Variants in OR6N1 observed in about 807,000 individuals in gnomAD.
OR6N1 encodes the protein olfactory receptor 6N1.
For missense variants in OR6N1, 394 were observed against 371.7 expected, an observed-to-expected ratio of 1.06 and a Z score of -0.49; for synonymous variants, 170 against 150.7, an observed-to-expected ratio of 1.13 and a Z score of -0.94.
the OR6N1 span, among the ~76,000 whole-genome samples, chr1:158,805,024 C>G: frequency 6.6e-6 from 1 of 152,046 alleles, no homozygotes; most frequent in Admixed American, 6.6e-5. Flanking sequence ...AATTTTTGAA[C>G]CTTTTAGAGA....
the OR6N1 span, among the ~76,000 whole-genome samples, chr1:158,782,003 C>T: frequency 0.021 from 3,193 of 152,232 alleles, 114 homozygotes; most frequent in African/African-American, 0.072. Flanking sequence ...CACTCTGACC[C>T]CAGAGTCCAT....
intron 1 of OR6N1, among the ~76,000 whole-genome samples, chr1:158,769,129 A>T (rs1003983126): frequency 6.6e-6 from 1 of 152,146 alleles, no homozygotes; most frequent in African/African-American, 2.4e-5. Flanking sequence ...GGATATGGAG[A>T]TAAATCAGGA....
the OR6N1 span, among the ~76,000 whole-genome samples, chr1:158,784,076 A>C: frequency 6.6e-6 from 1 of 152,164 alleles, no homozygotes; most frequent in Non-Finnish European, 1.5e-5. Context: ...ACTGCACTGC[A>C]GCCTGGGCGA....
chr1:158,806,464 T>G, the OR6N1 span, among the ~76,000 whole-genome samples: 1 of 152,176 alleles, frequency 6.6e-6, no homozygotes, highest in Non-Finnish European at 1.5e-5. Flanking sequence ...TTAACGTTCT[T>G]TTATTGTCCC....
At chr1:158,792,549 G>A in the OR6N1 span, among the ~76,000 whole-genome samples, 7 of 152,040 alleles carry the variant, frequency 4.6e-5, no homozygotes, top group Non-Finnish European at 1.0e-4. Flanking sequence ...ACTCCCCTTA[G>A]CATTTCTTGC....
At chr1:158,819,102 C>T in the OR6N1 span, among the ~76,000 whole-genome samples, 1 of 152,188 alleles carries the variant, frequency 6.6e-6, no homozygotes, top group Admixed American at 6.5e-5. Context: ...GCCACAACTT[C>T]TGTAATTATC....
chr1:158,788,292 A>G, the OR6N1 span, among the ~76,000 whole-genome samples: 1 of 152,330 alleles, frequency 6.6e-6, no homozygotes, highest in East Asian at 1.9e-4. Flanking sequence ...TATCATAAGC[A>G]CAGATCTCAT....
At chr1:158,787,023 T>C in the OR6N1 span, among the ~76,000 whole-genome samples, 1 of 152,012 alleles carries the variant, frequency 6.6e-6, no homozygotes, top group East Asian at 1.9e-4. Flanking sequence ...CTGTAATGAG[T>C]TTGGATGTTG....
chr1:158,820,624 C>A, the OR6N1 span, among the ~76,000 whole-genome samples: 11 of 152,186 alleles, frequency 7.2e-5, no homozygotes, highest in Admixed American at 5.9e-4. Context: ...ATAAGTATAT[C>A]ATTCCATTAA....
At chr1:158,798,114 T>A in the OR6N1 span, among the ~76,000 whole-genome samples, 2 of 151,966 alleles carry the variant, frequency 1.3e-5, no homozygotes, top group Non-Finnish European at 2.9e-5. Context: ...AATTGTTCAT[T>A]CTTAATCTTT....
the OR6N1 span, among the ~76,000 whole-genome samples, chr1:158,836,324 G>C: frequency 6.6e-6 from 1 of 151,930 alleles, no homozygotes; most frequent in Admixed American, 6.5e-5. Context: ...TTATATATTT[G>C]GTAGAATTTA....
At chr1:158,783,834 C>T in the OR6N1 span, among the ~76,000 whole-genome samples, 19 of 152,224 alleles carry the variant, frequency 1.2e-4, no homozygotes, top group East Asian at 3.9e-4. Flanking sequence ...GGACTGGGCG[C>T]GGTGGCTCAC....
At chr1:158,802,383 A>G in the OR6N1 span, among the ~76,000 whole-genome samples, 3 of 151,134 alleles carry the variant, frequency 2.0e-5, no homozygotes, top group Admixed American at 2.0e-4. Flanking sequence ...AATTTTTTGT[A>G]TTTTTTAGTA....
the OR6N1 span, among the ~76,000 whole-genome samples, chr1:158,787,213 T>C: frequency 6.6e-6 from 1 of 152,126 alleles, no homozygotes; most frequent in South Asian, 2.1e-4. Flanking sequence ...CCACGTGACA[T>C]GTTGGCTCCT....
the OR6N1 span, among the ~76,000 whole-genome samples, chr1:158,787,620 A>ATCTC: frequency 8.6e-3 from 1,052 of 122,556 alleles, 24 homozygotes; most frequent in African/African-American, 0.029. Flanking sequence ...CTATCTCTCT[A>ATCTC]TCTCTCTCTC....
the OR6N1 span, among the ~76,000 whole-genome samples, chr1:158,836,921 T>C: frequency 7.2e-5 from 11 of 152,036 alleles, no homozygotes; most frequent in East Asian, 2.1e-3. Context: ...ATATAATTTC[T>C]CTAAATATGG....
the OR6N1 span, among the ~76,000 whole-genome samples, chr1:158,779,998 C>T: frequency 6.6e-6 from 1 of 152,160 alleles, no homozygotes; most frequent in South Asian, 2.1e-4. Context: ...ATTGTGAAAT[C>T]AATTAATGTT....
the OR6N1 span, among the ~76,000 whole-genome samples, chr1:158,822,806 T>C: frequency 1.3e-5 from 2 of 152,222 alleles, no homozygotes; most frequent in African/African-American, 4.8e-5. Flanking sequence ...AGGGAATGCT[T>C]CCAGCCTTTG....
At chr1:158,783,462 G>T in the OR6N1 span, among the ~76,000 whole-genome samples, 1 of 152,130 alleles carries the variant, frequency 6.6e-6, no homozygotes, top group South Asian at 2.1e-4. Flanking sequence ...ATGAACACTC[G>T]TAGAATACAT....
Sources: gnomAD v4.1 joint callset for allele counts (sites outside exome capture counted in the v4.1 genomes callset) on GRCh38, gnomAD v4.1.1 for gene constraint, MANE v1.5 for transcripts, NCBI Gene and HGNC (gene_info 2026-07-23, HGNC 2026-07-21) for gene names.